The following SAMMSON variants were observed in gnomAD, a reference collection of about 807,000 sequenced individuals.
The protein encoded by SAMMSON is survival associated mitochondrial melanoma specific oncogenic non-coding RNA, also known as long intergenic non-protein coding RNA 1212.
intron 4 of SAMMSON, among the ~76,000 whole-genome samples, chr3:70,117,553 G>T (rs2067416499): frequency 6.6e-6 from 1 of 152,138 alleles, no homozygotes; most frequent in South Asian, 2.1e-4. Flanking sequence ...AAATTATACA[G>T]AGATATTTAT....
At chr3:70,257,479 G>A (rs1000512025) in intron 6 of SAMMSON, among the ~76,000 whole-genome samples, 1 of 152,032 alleles carries the variant, frequency 6.6e-6, no homozygotes, top group Non-Finnish European at 1.5e-5. Flanking sequence ...GACAAAGAGA[G>A]GAAGGGAGGA....
At chr3:70,272,233 T>C (rs910065492) in intron 6 of SAMMSON, 1 of 152,214 alleles carries the variant, frequency 6.6e-6, no homozygotes, top group African/African-American at 2.4e-5. Context: ...ACAATTAAAA[T>C]GAAAAATATT....
intron 4 of SAMMSON, among the ~76,000 whole-genome samples, chr3:70,073,607 C>G (rs2067237951): frequency 6.6e-6 from 1 of 151,938 alleles, no homozygotes; most frequent in Non-Finnish European, 1.5e-5. Context: ...CCTCTTTTTC[C>G]TCTTCACCGT....
At chr3:70,112,356 A>G (rs2067393056) in intron 4 of SAMMSON, among the ~76,000 whole-genome samples, 2 of 152,160 alleles carry the variant, frequency 1.3e-5, no homozygotes, top group African/African-American at 4.8e-5. Flanking sequence ...GTAAGGGGTG[A>G]AGCCAGAGAG....
chr3:70,159,703 C>T (rs2067606877), intron 4 of SAMMSON: 1 of 151,998 alleles, frequency 6.6e-6, no homozygotes, highest in South Asian at 2.1e-4. Context: ...GGACTACAAG[C>T]ATGCACCACC....
At chr3:70,126,065 G>A in intron 4 of SAMMSON, 1 of 1,111,300 alleles carries the variant, frequency 9.0e-7, no homozygotes. Context: ...TGAAGGACCT[G>A]TACATAGAAC....
intron 7 of SAMMSON, among the ~76,000 whole-genome samples, chr3:70,310,575 A>G (rs2106709563): frequency 6.6e-6 from 1 of 152,062 alleles, no homozygotes; most frequent in East Asian, 1.9e-4. Flanking sequence ...CATGTTGGCC[A>G]GGCTGGTCTT....
chr3:70,176,609 AC>A (rs1287115967), intron 4 of SAMMSON, among the ~76,000 whole-genome samples: 2 of 152,178 alleles, frequency 1.3e-5, no homozygotes, highest in Non-Finnish European at 2.9e-5. Flanking sequence ...TACTTAAACG[AC>A]TTTTCAAACT....
intron 7 of SAMMSON, among the ~76,000 whole-genome samples, chr3:70,333,213 G>T (rs1015931823): frequency 1.3e-5 from 2 of 151,964 alleles, no homozygotes; most frequent in African/African-American, 2.4e-5. Context: ...TCACACTTTG[G>T]AGGCTGAAAT....
chr3:70,008,440 C>CTCTG (rs2066939338), intron 1 of SAMMSON, among the ~76,000 whole-genome samples: 1 of 151,056 alleles, frequency 6.6e-6, no homozygotes, highest in Non-Finnish European at 1.5e-5. Flanking sequence ...TGATTTGGCT[C>CTCTG]TCTGTTATTG....
chr3:70,400,049 T>G (rs9990183), intron 2 of SAMMSON, among the ~76,000 whole-genome samples: 4,982 of 152,156 alleles, frequency 0.033, 294 homozygotes, highest in African/African-American at 0.11. Context: ...TATTTTTGCT[T>G]TCATAATACT....
At chr3:70,397,074 T>C (rs1701098994) in intron 2 of SAMMSON, among the ~76,000 whole-genome samples, 1 of 152,174 alleles carries the variant, frequency 6.6e-6, no homozygotes, top group African/African-American at 2.4e-5. Context: ...AGTTTCAGAT[T>C]GTTATATGTA....
At chr3:70,252,272 G>C (rs1701776570) in intron 6 of SAMMSON, among the ~76,000 whole-genome samples, 1 of 152,204 alleles carries the variant, frequency 6.6e-6, no homozygotes, top group Non-Finnish European at 1.5e-5. Flanking sequence ...TAGGCTTAAA[G>C]TATATGTATC....
chr3:70,298,180 G>T (rs899991126), intron 7 of SAMMSON, among the ~76,000 whole-genome samples: 26 of 152,020 alleles, frequency 1.7e-4, no homozygotes, highest in Non-Finnish European at 1.3e-4. Flanking sequence ...TAGGTTTGCA[G>T]GTTTTTGATC....
At chr3:70,054,739 G>C (rs905081982) in intron 3 of SAMMSON, among the ~76,000 whole-genome samples, 8 of 152,072 alleles carry the variant, frequency 5.3e-5, no homozygotes. Context: ...GCAGTGGGCA[G>C]GACAACATGG....
At chr3:70,169,632 T>C (rs868278080) in intron 4 of SAMMSON, among the ~76,000 whole-genome samples, 3 of 110,456 alleles carry the variant, frequency 2.7e-5, no homozygotes, top group Non-Finnish European at 5.3e-5. Flanking sequence ...TTTAGAGAGG[T>C]CTTTTCTTTT....
intron 7 of SAMMSON, among the ~76,000 whole-genome samples, chr3:70,334,807 T>C (rs1248280309): frequency 6.6e-6 from 1 of 152,160 alleles, no homozygotes; most frequent in Admixed American, 6.6e-5. Flanking sequence ...CCTTAACTAC[T>C]ATACTGAACT....
At chr3:70,361,829 G>T (rs935136134) in intron 9 of SAMMSON, among the ~76,000 whole-genome samples, 1 of 152,140 alleles carries the variant, frequency 6.6e-6, no homozygotes, top group Non-Finnish European at 1.5e-5. Flanking sequence ...TTCACCGCAA[G>T]TGAAGATCAA....
At chr3:70,252,428 T>C (rs1026094904) in intron 6 of SAMMSON, among the ~76,000 whole-genome samples, 3 of 152,182 alleles carry the variant, frequency 2.0e-5, no homozygotes, top group Non-Finnish European at 4.4e-5. Flanking sequence ...ACATAAACTA[T>C]TGTGGTAATA....
Sources: allele counts gnomAD v4.1 joint callset (sites outside exome capture counted in the v4.1 genomes callset), GRCh38; gene constraint gnomAD v4.1.1; transcripts MANE v1.5; gene names NCBI Gene and HGNC (gene_info 2026-07-23, HGNC 2026-07-21).